The following AGAP1 variants were observed in gnomAD, a reference collection of about 807,000 sequenced individuals.
The protein encoded by AGAP1 is arf-GAP with GTPase, ANK repeat and PH domain-containing protein 1.
Under a neutral mutation model 105.3 loss-of-function variants are expected in AGAP1, and 29 were observed. The observed-to-expected ratio is 0.28, with a 90% CI of 0.21 to 0.38. The LOEUF (loss-of-function observed/expected upper bound fraction) is 0.38. AGAP1 is among the 10% of genes least tolerant of loss of function. The pLI is 1.00. For missense variants in AGAP1, 998 were observed against 1,165.1 expected, an observed-to-expected ratio of 0.86 and a Z score of 2.09; for synonymous variants, 509 against 485.9, an observed-to-expected ratio of 1.05 and a Z score of -0.63.
chr2:235,677,390 T>C (rs1055784910), intron 1 of AGAP1, among the ~76,000 whole-genome samples: 3 of 152,208 alleles, frequency 2.0e-5, no homozygotes, highest in Non-Finnish European at 2.9e-5. Flanking sequence ...TTTCGGCGAC[T>C]CCTTATCTAA....
intron 9 of AGAP1, among the ~76,000 whole-genome samples, chr2:235,878,079 C>A (rs2049835491): frequency 6.6e-6 from 1 of 152,188 alleles, no homozygotes; most frequent in Admixed American, 6.5e-5. Context: ...AGTGTGGCCT[C>A]TGCACACTGC....
At chr2:235,778,781 T>C (rs1956072681) in intron 6 of AGAP1, among the ~76,000 whole-genome samples, 1 of 152,162 alleles carries the variant, frequency 6.6e-6, no homozygotes, top group African/African-American at 2.4e-5. Context: ...GTTCTTGGTC[T>C]AGACTGTAAA....
At chr2:235,591,109 G>A (rs1288174857) in intron 1 of AGAP1, among the ~76,000 whole-genome samples, 2 of 151,998 alleles carry the variant, frequency 1.3e-5, no homozygotes, top group African/African-American at 2.4e-5. Flanking sequence ...TCTGCCTTCC[G>A]GGTTCAAGCA....
In AGAP1 at chr2:235,953,528, A is replaced by G. The variant is rs1408825539; in HGVS notation, c.1484-14934A>G. On this transcript the variant is annotated intron_variant, in intron 12 of 17. Transcript: ENST00000304032. This position sits in a 1 kb window ranked among gnomAD's most constrained non-coding sequence, Gnocchi z 5.2. ...TTTTTCCCTCCAGCATTTCAAAGAC[A>G]TTACTCAAATTTTGTTTGTTCTTTG... is the stretch of plus-strand genomic sequence containing the variant. Among the ~76,000 whole-genome samples the G allele has an allele frequency of 1.3e-5, 2 of 152,220 alleles. No individual in the cohort carries two copies. Among genetic ancestry groups the G allele is most frequent in the African/African-American group, 4.8e-5 (2 of 41,464 alleles).
chr2:236,020,738 T>C lies in AGAP1; in HGVS notation c.1646-15823T>C, dbSNP rs755892641. On this transcript the variant is annotated intron_variant, in intron 13 of 17. Coordinates refer to ENST00000304032, the MANE Select transcript of AGAP1 (RefSeq NM_001037131.3). This position sits in a 1 kb window ranked among gnomAD's most constrained non-coding sequence, Gnocchi z 5.0. Reference sequence around the variant, plus strand: ...GCTATTAAATTGCTATACAGACTTATTTAATAGAAAAATGACCCAAAGACT... The same window carrying C: ...GCTATTAAATTGCTATACAGACTTACTTAATAGAAAAATGACCCAAAGACT... 1.3e-5 allele frequency among the ~76,000 whole-genome samples: 2 copies of C among 152,226 alleles called. No individual in the cohort carries two copies. Among genetic ancestry groups the C allele is most frequent in the Non-Finnish European group, 2.9e-5 (2 of 68,038 alleles).
At chr2:235,726,978 C>G (rs904799869) in intron 3 of AGAP1, among the ~76,000 whole-genome samples, 1 of 152,152 alleles carries the variant, frequency 6.6e-6, no homozygotes, top group Non-Finnish European at 1.5e-5. Flanking sequence ...CAAGGTCTCC[C>G]CACTTGGTAG....
chr2:235,613,748 T>C (rs1360171399), intron 1 of AGAP1, among the ~76,000 whole-genome samples: 1 of 152,244 alleles, frequency 6.6e-6, no homozygotes, highest in Non-Finnish European at 1.5e-5. Context: ...GAATATAAGC[T>C]GGTAATTACT....
rs2049626961 is a variant in AGAP1 at position 235,874,770 on chromosome 2, G to T, written c.1051-8575G>T. On this transcript the variant is annotated intron_variant, in intron 9 of 17. Transcript: ENST00000304032. The surrounding 1 kb of genome is among the most constrained non-coding windows in gnomAD (Gnocchi z 4.5). ...ACTCATGTATAGAACTCATTACAAA[G>T]ATAGCATTACTCCTAGAACCAAGAT... 6.6e-6 allele frequency among the ~76,000 whole-genome samples: 1 copy of T among 152,336 alleles called. No homozygotes were observed. The highest frequency in any genetic ancestry group is 3.4e-3 in the Middle Eastern group (1 of 294).
In AGAP1 at chr2:235,977,132, G is replaced by A. The variant is rs182586755; in HGVS notation, c.1645+8509G>A. On this transcript the variant is annotated intron_variant, in intron 13 of 17. Coordinates refer to ENST00000304032, the MANE Select transcript of AGAP1 (RefSeq NM_001037131.3). The surrounding 1 kb of genome is among the most constrained non-coding windows in gnomAD (Gnocchi z 5.2). ...GCACAAGCTGCTCACAGGCTCCGGC[G>A]TCCATCAGCAGAGAACTCGGGGCAC... 4.0e-3 allele frequency among the ~76,000 whole-genome samples: 606 copies of A among 152,252 alleles called. 3 individuals are homozygous for A. Among genetic ancestry groups the A allele is most frequent in the Non-Finnish European group, 4.0e-3 (273 of 68,026 alleles).
At chr2:235,969,594 G>A (rs942528810) in intron 13 of AGAP1, among the ~76,000 whole-genome samples, 1 of 152,018 alleles carries the variant, frequency 6.6e-6, no homozygotes, top group African/African-American at 2.4e-5. Context: ...CTACTTGATC[G>A]AGGGTTCAAA....
chr2:235,538,844 A>T (rs1480991985), intron 1 of AGAP1, among the ~76,000 whole-genome samples: 1 of 152,146 alleles, frequency 6.6e-6, no homozygotes, highest in African/African-American at 2.4e-5. Context: ...CTATTACTTT[A>T]TTATGGCATT....
chr2:235,671,829 G>A (rs1188683527), intron 1 of AGAP1, among the ~76,000 whole-genome samples: 1 of 152,212 alleles, frequency 6.6e-6, no homozygotes, highest in Non-Finnish European at 1.5e-5. Context: ...TCTCCAGCCA[G>A]ATATGTTATT....
chr2:236,009,815 C>T lies in AGAP1; in HGVS notation c.1646-26746C>T, dbSNP rs371637636. 2.0e-4 allele frequency among the ~76,000 whole-genome samples: 31 copies of T among 152,288 alleles called. 1 individual carries two copies. In the South Asian group the frequency reaches 3.9e-3, roughly 19 times the overall value. ...ACTTGGACGTCCAACATGGCTGACGCGCCTTGGACACACAGCCTCGGCGCT... is the reference window on the plus strand; with the variant it reads ...ACTTGGACGTCCAACATGGCTGACGTGCCTTGGACACACAGCCTCGGCGCT... On this transcript the variant is annotated intron_variant, in intron 13 of 17. Transcript: ENST00000304032. This position sits in a 1 kb window ranked among gnomAD's most constrained non-coding sequence, Gnocchi z 4.2.
chr2:235,707,861 T>C (rs1322202670), intron 1 of AGAP1, among the ~76,000 whole-genome samples: 2 of 150,482 alleles, frequency 1.3e-5, no homozygotes, highest in African/African-American at 4.9e-5. Flanking sequence ...TGTGACATGG[T>C]AGGACATGCT....
rs1055383861 is a variant in AGAP1, at chr2:235,612,960, C to G, written c.164-96219C>G. ...TGTCCTTCTAATTTGGAGTTAACCTCTCTTTCCCAGGTGAGGTTAGCAAAT... is the reference window on the plus strand; with the variant it reads ...TGTCCTTCTAATTTGGAGTTAACCTGTCTTTCCCAGGTGAGGTTAGCAAAT... On this transcript the variant is annotated intron_variant, in intron 1 of 17. Coordinates refer to ENST00000304032, the MANE Select transcript of AGAP1 (RefSeq NM_001037131.3). The surrounding 1 kb of genome is among the most constrained non-coding windows in gnomAD (Gnocchi z 4.3). 6.6e-6 allele frequency among the ~76,000 whole-genome samples: 1 copy of G among 152,018 alleles called. No individual in the cohort carries two copies. Among genetic ancestry groups the G allele is most frequent in the East Asian group, 1.9e-4 (1 of 5,188 alleles).
Position 236,124,174 on chromosome 2 carries a change from G to A in AGAP1, c.*52G>A, listed in dbSNP as rs776439481. 1,519 of 1,586,270 alleles carry A rather than the reference G, an allele frequency of 9.6e-4. 4 individuals carry two copies. The highest frequency in any genetic ancestry group is 1.2e-3 in the Non-Finnish European group (1,398 of 1,161,292). ...GCACCTGGGACGCGGCAGCCTCGCC[G>A]CATTCTCGCTCAGAAGTCGCAGCAC... On this transcript the variant is annotated 3_prime_UTR_variant, in exon 18 of 18. Coordinates refer to ENST00000304032, the MANE Select transcript of AGAP1 (RefSeq NM_001037131.3). This position sits in a 1 kb window ranked among gnomAD's most constrained non-coding sequence, Gnocchi z 5.1.
chr2:236,040,738 C>A lies in AGAP1; in HGVS notation c.1801-13C>A. ...TGCTTACGCCTTGTATTTGTGTCTT[C>A]CTCCGTGCCCAGTCCCGGCTGACGA... On this transcript the variant is annotated splice_polypyrimidine_tract_variant and intron_variant, in intron 14 of 17. Coordinates refer to ENST00000304032, the MANE Select transcript of AGAP1 (RefSeq NM_001037131.3). The surrounding 1 kb of genome is among the most constrained non-coding windows in gnomAD (Gnocchi z 5.6). The A allele has an allele frequency of 6.2e-7, 1 of 1,612,750 alleles. No individual in the cohort carries two copies. Among genetic ancestry groups the A allele is most frequent in the South Asian group, 1.1e-5 (1 of 91,012 alleles).
chr2:235,915,197 C>T (rs1026406994), intron 11 of AGAP1, among the ~76,000 whole-genome samples: 19 of 152,094 alleles, frequency 1.2e-4, no homozygotes, highest in Non-Finnish European at 2.5e-4. Context: ...CCCACATGCT[C>T]TTATTCATAG....
chr2:236,024,483 T>C (rs1399862521), intron 13 of AGAP1, among the ~76,000 whole-genome samples: 1 of 151,978 alleles, frequency 6.6e-6, no homozygotes, highest in Non-Finnish European at 1.5e-5. Flanking sequence ...CCTCCTTCCC[T>C]CCCCTCGCAC....
Sources: gnomAD v4.1 joint callset for allele counts (sites outside exome capture counted in the v4.1 genomes callset) on GRCh38, gnomAD v4.1.1 for gene constraint, Gnocchi (gnomAD v3.1) non-coding constraint, MANE v1.5 for transcripts, NCBI Gene and HGNC (gene_info 2026-07-23, HGNC 2026-07-21) for gene names.